The following HAP1 variants were observed in gnomAD, a reference collection of about 807,000 sequenced individuals.
HAP1 encodes the protein huntingtin-associated protein 1.
Under a neutral mutation model 60.3 loss-of-function variants are expected in HAP1, and 59 were observed. That is an observed-to-expected ratio of 0.98 (90% CI 0.79 to 1.22). The LOEUF is 1.22. Ranked by LOEUF, HAP1 falls within the 50% of genes most tolerant of loss-of-function variation. The pLI is 0.00. For missense variants in HAP1, 825 were observed against 785.3 expected (o/e 1.05, Z -0.60); for synonymous variants, 346 against 330.6 (o/e 1.05, Z -0.50).
At position 41,732,244 on chromosome 17, in the gene HAP1, A is replaced by C; in HGVS notation, c.700T>G (p.Ser234Ala). ...ENSKLEALLG[S>A]AKEEILYLRH... ...CACCCGGTTACCTCCTCCTTGGCTG[A>C]GCCCAGCAGGGCTTCCAGCTTGCTG... Residue 234 changes from serine (S) to alanine (A), a missense_variant, in exon 3 of 11, where the codon TCA becomes GCA. Ser to Ala is a moderately conservative substitution (Grantham distance 99, BLOSUM62 1). Transcript: ENST00000347901. 5.6e-6 allele frequency: 9 copies of C among 1,614,074 alleles called. No individual in the cohort carries two copies. The highest frequency in any genetic ancestry group is 7.6e-6 in the Non-Finnish European group (9 of 1,180,012).
At chr17:41,719,912 CAG>C (rs1433689122), downstream of HAP1, among the ~76,000 whole-genome samples, 3 of 112,958 alleles carry the variant, frequency 2.7e-5, no homozygotes, top group South Asian at 3.2e-4. Context: ...TTTTTTGAGA[CAG>C]AGTCTCACTC....
chr17:41,734,222 C>T lies in HAP1; in HGVS notation c.413G>A (p.Arg138Gln), dbSNP rs1555591947. 2.5e-6 allele frequency: 4 copies of T among 1,599,312 alleles called. No homozygotes were observed. The highest frequency in any genetic ancestry group is 3.4e-6 in the Non-Finnish European group (4 of 1,169,456). Residue 138 changes from arginine (R) to glutamine (Q), a missense_variant, in exon 1 of 11, where the codon CGG (arginine) becomes CAG (glutamine). Transcript: ENST00000347901. ...CTCAGGGCCGGACACCCCGGGTCGC[C>T]GGCCAACGTAGGCGGCTGGCGTCTT... Reference protein sequence around the residue: ...IWKTPAAYVGRRPGVSGPERA... With the variant: ...IWKTPAAYVGQRPGVSGPERA...
chr17:41,724,415 C>G lies in HAP1; in HGVS notation c.*286G>C. 2.9e-6 allele frequency: 1 copy of G among 339,544 alleles called. No individual in the cohort carries two copies. Among genetic ancestry groups the G allele is most frequent in the South Asian group, 5.0e-5 (1 of 20,090 alleles). 21.0% of individuals were successfully genotyped at this position (339,544 alleles called of 1,614,324 possible). On this transcript the variant is annotated 3_prime_UTR_variant, in exon 11 of 11. Transcript: ENST00000347901. ...TGGAGAGCCTGGGGGATAGAGGAGGCAGGGGTTGGGGGCAGGGGAAGCAAG... is the reference window on the plus strand; with the variant it reads ...TGGAGAGCCTGGGGGATAGAGGAGGGAGGGGTTGGGGGCAGGGGAAGCAAG...
downstream of HAP1, chr17:41,720,885 C>T (rs1911172724): frequency 6.6e-6 from 1 of 151,974 alleles, no homozygotes; most frequent in Non-Finnish European, 1.5e-5. Context: ...CCGCAACCTC[C>T]ACCTCCTGGA....
At chr17:41,734,127 A>G in intron 1 of HAP1, 39 bp downstream of exon 1, 3 of 1,502,092 alleles carry the variant, frequency 2.0e-6, no homozygotes, top group African/African-American at 1.4e-5. Flanking sequence ...GAGTTGCCCC[A>G]GTCCCCACCC....
At chr17:41,733,771 C>G (rs1423755780) in intron 1 of HAP1, among the ~76,000 whole-genome samples, 1 of 151,672 alleles carries the variant, frequency 6.6e-6, no homozygotes, top group Non-Finnish European at 1.5e-5. Flanking sequence ...CGCCCACCCA[C>G]CCCTCCATCG....
downstream of HAP1, among the ~76,000 whole-genome samples, chr17:41,719,959 G>A (rs8079934): frequency 0.83 from 121,406 of 146,506 alleles, 50,552 homozygotes; most frequent in Middle Eastern, 0.92. Flanking sequence ...GCACGATCTT[G>A]GCTCACTACA....
Position 41,731,742 on chromosome 17 carries a change from T to A in HAP1, c.898A>T (p.Ile300Phe). The change falls in exon 5 of 11, where the codon ATT becomes TTT. Residue 300 changes from isoleucine (I) to phenylalanine (F), a missense_variant and splice_region_variant. Coordinates refer to ENST00000347901, the MANE Select transcript of HAP1 (RefSeq NM_177977.3). ...TGGTGCAGCAATGCCTCCTGCGAAA[T>A]CCTAGGGGAGGGAGGAATGGGAGTC... ...CAHPCDAPKL[I>F]SQEALLHQHH... 1.9e-6 allele frequency: 3 copies of A among 1,610,608 alleles called. No individual in the cohort carries two copies. The highest frequency in any genetic ancestry group is 2.5e-6 in the Non-Finnish European group (3 of 1,177,096).
intron 1 of HAP1, among the ~76,000 whole-genome samples, chr17:41,733,641 G>A (rs1912446227): frequency 6.6e-6 from 1 of 151,990 alleles, no homozygotes; most frequent in Non-Finnish European, 1.5e-5. Context: ...CGAGCCTCTA[G>A]GCCCAATCCA....
At chr17:41,730,912 C>T (rs1912143864) in intron 6 of HAP1, among the ~76,000 whole-genome samples, 1 of 70,758 alleles carries the variant, frequency 1.4e-5, no homozygotes, top group African/African-American at 6.1e-5. Flanking sequence ...GGAGGAGACC[C>T]ACCTTTTTTT....
chr17:41,733,737 G>A (rs1383284772), intron 1 of HAP1, among the ~76,000 whole-genome samples: 1 of 152,094 alleles, frequency 6.6e-6, no homozygotes, highest in Admixed American at 6.5e-5. Context: ...CAACCAAAAA[G>A]TGGGCAAAAC....
chr17:41,729,868 CAAAAAAA>C (rs71155164), intron 6 of HAP1, among the ~76,000 whole-genome samples: 3 of 59,898 alleles, frequency 5.0e-5, no homozygotes, highest in Non-Finnish European at 6.3e-5. Context: ...GAGACTCCGT[CAAAAAAA>C]AAAAAAAAAA....
At position 41,729,549 on chromosome 17, in the gene HAP1, C is replaced by CAAAAAA. The variant is rs1162563636; in HGVS notation, c.1070-1224_1070-1219dup. 1.3e-3 allele frequency among the ~76,000 whole-genome samples: 83 copies of CAAAAAA among 63,104 alleles called. 28 individuals are homozygous for CAAAAAA. The highest frequency in any genetic ancestry group is 2.3e-3 in the African/African-American group (34 of 14,570). 41.4% of individuals were successfully genotyped at this position (63,104 alleles called of 152,430 possible). A position where few individuals can be genotyped will look rare whatever the true frequency, so the allele number is the denominator to read the frequency against. On this transcript the variant is annotated intron_variant, in intron 6 of 10. Coordinates refer to ENST00000347901, the MANE Select transcript of HAP1 (RefSeq NM_177977.3). ...TGGGTTACAGAGGGAGCCTCCTTCT[C>CAAAAAA]AAAAAAAAAAAAAAAAAAAAAAAAA...
At chr17:41,730,372 G>C (rs1414852616) in intron 6 of HAP1, 4 of 152,398 alleles carry the variant, frequency 2.6e-5, no homozygotes, top group Admixed American at 6.6e-5. Flanking sequence ...CTCCTGAGTA[G>C]CTGGGACCAC....
downstream of HAP1, among the ~76,000 whole-genome samples, chr17:41,720,185 A>G (rs1253373144): frequency 2.0e-5 from 3 of 149,854 alleles, no homozygotes; most frequent in East Asian, 5.9e-4. Context: ...CACCGCGCCC[A>G]GCTTTATTTA....
chr17:41,731,157 G>A (rs569860718), intron 6 of HAP1, among the ~76,000 whole-genome samples: 6 of 152,090 alleles, frequency 3.9e-5, no homozygotes, highest in Middle Eastern at 3.4e-3. Flanking sequence ...GTGATCCGCC[G>A]GCCTCAGCCT....
rs782246902 is a variant in HAP1, at chr17:41,734,525, G to A, written c.110C>T (p.Pro37Leu). The A allele has an allele frequency of 5.6e-6, 9 of 1,611,548 alleles. No homozygotes were observed. The highest frequency in any genetic ancestry group is 1.1e-5 in the South Asian group (1 of 90,920). The change falls in exon 1 of 11, where the codon CCC becomes CTC. Residue 37 changes from proline to leucine, a missense_variant. Coordinates refer to ENST00000347901, the MANE Select transcript of HAP1 (RefSeq NM_177977.3). ...PSPSASPAPE[P>L]SAQPQARGTG... ...GCCCCGTGCCTGCGGCTGCGCAGAG[G>A]GCTCCGGAGCGGGACTGGCTGAGGG...
In HAP1 at chr17:41,732,418, G is replaced by C. The variant is rs528269885; in HGVS notation, c.550-24C>G. On this transcript the variant is annotated intron_variant, in intron 2 of 10. Coordinates refer to ENST00000347901, the MANE Select transcript of HAP1 (RefSeq NM_177977.3). ...AGCTGGGGGGGACACAGGGGTCAGA[G>C]AGAGGCTAGGCCCCTAAGAGAACCT... The C allele has an allele frequency of 3.1e-6, 5 of 1,607,816 alleles. No homozygotes were observed. In the African/African-American group the frequency reaches 5.6e-5, roughly 18 times the overall value.
chr17:41,734,077 GGGC>G (rs1223463024), intron 1 of HAP1, 86 bp downstream of exon 1: 2 of 1,036,094 alleles, frequency 1.9e-6, no homozygotes, highest in Non-Finnish European at 2.8e-6. Context: ...GTGCTAGAGG[GGGC>G]GGGGTGCCTG....
Sources: allele counts gnomAD v4.1 joint callset (sites outside exome capture counted in the v4.1 genomes callset), GRCh38; gene constraint gnomAD v4.1.1; transcripts MANE v1.5; gene names NCBI Gene and HGNC (gene_info 2026-07-23, HGNC 2026-07-21).